BMP8B: variants seen among roughly 807,000 people sequenced by gnomAD.
BMP8B encodes the protein bone morphogenetic protein 8b.
A neutral mutation model predicts 30.3 loss-of-function variants in BMP8B; 17 were observed. The observed-to-expected ratio is 0.56, with a 90% CI of 0.38 to 0.84. BMP8B has a LOEUF of 0.84. BMP8B is among the 40% of genes least tolerant of loss of function. The probability of loss-of-function intolerance (pLI) is 0.00; values close to 1 mark genes in which losing one functional copy is unlikely to be tolerated. For synonymous variants in BMP8B, 131 were observed against 214.7 expected (o/e 0.61, Z 3.41); for missense variants, 253 against 494.6 (o/e 0.51, Z 4.63).
chr1:39,779,275 G>A (rs1408961670), intron 1 of BMP8B, among the ~76,000 whole-genome samples: 1 of 152,188 alleles, frequency 6.6e-6, no homozygotes, highest in Non-Finnish European at 1.5e-5. Context: ...CACAGACAGG[G>A]AGGGCCGGCC....
At chr1:39,766,934 G>GA (rs1360335277) in intron 3 of BMP8B, among the ~76,000 whole-genome samples, 7 of 152,222 alleles carry the variant, frequency 4.6e-5, no homozygotes, top group Non-Finnish European at 8.8e-5. Flanking sequence ...GACCCATGGG[G>GA]ACAGCCTGGG....
At chr1:39,770,060 A>G (rs1649845060) in intron 3 of BMP8B, 2 of 1,293,118 alleles carry the variant, frequency 1.5e-6, no homozygotes, top group Non-Finnish European at 2.1e-6. Context: ...GGAAACCTGC[A>G]TGGCTCCAAG....
intron 1 of BMP8B, among the ~76,000 whole-genome samples, chr1:39,777,354 A>G (rs1007141131): frequency 4.6e-5 from 7 of 152,192 alleles, no homozygotes; most frequent in African/African-American, 1.7e-4. Context: ...TTTCTAAACC[A>G]CCTTAATGTG....
intron 3 of BMP8B, among the ~76,000 whole-genome samples, chr1:39,766,132 G>A (rs1352602245): frequency 4.7e-5 from 7 of 148,276 alleles, no homozygotes; most frequent in Non-Finnish European, 9.0e-5. Context: ...GCAGTATACC[G>A]TAATTGACTT....
Position 39,788,064 on chromosome 1 carries a change from G to C in BMP8B, c.334+88C>G, listed in dbSNP as rs911276134. 5.3e-5 allele frequency: 73 copies of C among 1,389,296 alleles called. No individual in the cohort carries two copies. Among genetic ancestry groups the C allele is most frequent in the Non-Finnish European group, 6.4e-5 (69 of 1,074,972 alleles). 86.1% of individuals were successfully genotyped at this position (1,389,296 alleles called of 1,614,324 possible). A position where few individuals can be genotyped will look rare whatever the true frequency, so the allele number is the denominator to read the frequency against. ...GTCCACCGTCTGTGACTCCCCGTTCGGCCAGGGCCCGGCACAGCCCGCGGA... is the reference window on the plus strand; with the variant it reads ...GTCCACCGTCTGTGACTCCCCGTTCCGCCAGGGCCCGGCACAGCCCGCGGA... On this transcript the variant is annotated intron_variant, in intron 1 of 6. Coordinates refer to ENST00000372827, the MANE Select transcript of BMP8B (RefSeq NM_001720.5). This position sits in a 1 kb window ranked among gnomAD's most constrained non-coding sequence, Gnocchi z 5.8.
intron 1 of BMP8B, among the ~76,000 whole-genome samples, chr1:39,780,545 C>G (rs1482753188): frequency 6.6e-6 from 1 of 152,200 alleles, no homozygotes; most frequent in African/African-American, 2.4e-5. Flanking sequence ...CACAGAAGCT[C>G]CTGAGCAGGA....
chr1:39,760,952 T>A (rs1006282908), intron 6 of BMP8B, among the ~76,000 whole-genome samples: 5 of 152,074 alleles, frequency 3.3e-5, no homozygotes, highest in Non-Finnish European at 4.4e-5. Flanking sequence ...CTTTCTTCTT[T>A]TGGCCCTTCG....
Position 39,760,269 on chromosome 1 carries a change from G to A in BMP8B, c.*150C>T. 1 of 1,279,204 alleles carries A rather than the reference G, an allele frequency of 7.8e-7. No individual in the cohort carries two copies. The highest frequency in any genetic ancestry group is 1.1e-6 in the Non-Finnish European group (1 of 943,952). 79.2% of individuals were successfully genotyped at this position (1,279,204 alleles called of 1,614,324 possible). On this transcript the variant is annotated 3_prime_UTR_variant, in exon 7 of 7. Transcript: ENST00000372827. ...AGGGCAAGGGGAGCATAGGAGCCTG[G>A]CATGAAGGAGAAAGGGTCATGTACG... is the stretch of plus-strand genomic sequence containing the variant.
chr1:39,783,596 AT>A (rs1377539219), intron 1 of BMP8B, among the ~76,000 whole-genome samples: 1 of 152,242 alleles, frequency 6.6e-6, no homozygotes, highest in African/African-American at 2.4e-5. Flanking sequence ...GCATTAACGT[AT>A]GCAGTTAAAA....
At chr1:39,778,816 C>T (rs1361163307) in intron 1 of BMP8B, among the ~76,000 whole-genome samples, 6 of 152,296 alleles carry the variant, frequency 3.9e-5, no homozygotes, top group Admixed American at 6.5e-5. Context: ...GTCATGGTGA[C>T]GCATCCTCTC....
chr1:39,788,521 G>C lies in BMP8B; in HGVS notation c.-36C>G, dbSNP rs1237911869. The C allele has an allele frequency of 1.0e-6, 1 of 1,002,618 alleles. No individual in the cohort carries two copies. The highest frequency in any genetic ancestry group is 1.2e-6 in the Non-Finnish European group (1 of 842,808). The allele number at this position is 1,002,618 out of a possible 1,614,324, so 62.1% of individuals were successfully genotyped here. ...GGGCGCTCAGCTGGGGCGCTCAGCG[G>C]GCGCGCATCGGCTCCGCGGCCGACC... On this transcript the variant is annotated 5_prime_UTR_variant, in exon 1 of 7. Coordinates refer to ENST00000372827, the MANE Select transcript of BMP8B (RefSeq NM_001720.5). This position sits in a 1 kb window ranked among gnomAD's most constrained non-coding sequence, Gnocchi z 5.8.
chr1:39,759,719 A>G lies in BMP8B; in HGVS notation c.*700T>C, dbSNP rs1337250820. ...CAAGATTTTTCTGTTTCTCCAAAGT[A>G]AAATGTCCATGCTCTTACATGTCTT... On this transcript the variant is annotated 3_prime_UTR_variant, in exon 7 of 7. Transcript: ENST00000372827. The G allele has an allele frequency of 6.6e-6, 1 of 152,254 alleles. No homozygotes were observed. The highest frequency in any genetic ancestry group is 1.5e-5 in the Non-Finnish European group (1 of 68,046). The allele number at this position is 152,254 out of a possible 1,614,324, so 9.4% of individuals were successfully genotyped here. A position where few individuals can be genotyped will look rare whatever the true frequency, so the allele number is the denominator to read the frequency against.
chr1:39,778,776 T>C (rs1372776487), intron 1 of BMP8B, among the ~76,000 whole-genome samples: 1 of 152,106 alleles, frequency 6.6e-6, no homozygotes, highest in Non-Finnish European at 1.5e-5. Context: ...CGGGAAAGAA[T>C]GAACTGTGGG....
chr1:39,779,643 G>A (rs1354124555), intron 1 of BMP8B, among the ~76,000 whole-genome samples: 1 of 152,212 alleles, frequency 6.6e-6, no homozygotes, highest in Non-Finnish European at 1.5e-5. Context: ...AGGGGTGGAA[G>A]AACTGAGGAA....
rs1569879619 is a variant in BMP8B at position 39,788,585 on chromosome 1, T to G, written c.-100A>C. ...CGCCCCGACGGCAAGGAGGCTGGGC[T>G]CGGCGGGCGGCGGGCGGCGGGGCGG... On this transcript the variant is annotated 5_prime_UTR_variant, in exon 1 of 7. Coordinates refer to ENST00000372827, the MANE Select transcript of BMP8B (RefSeq NM_001720.5). This position sits in a 1 kb window ranked among gnomAD's most constrained non-coding sequence, Gnocchi z 5.8. 1 of 923,910 alleles carries G rather than the reference T, an allele frequency of 1.1e-6. No homozygotes were observed. Among genetic ancestry groups the G allele is most frequent in the Non-Finnish European group, 1.3e-6 (1 of 774,950 alleles). The allele number at this position is 923,910 out of a possible 1,614,324, so 57.2% of individuals were successfully genotyped here.
chr1:39,771,394 G>C (rs982457994), intron 3 of BMP8B: 1 of 861,468 alleles, frequency 1.2e-6, no homozygotes, highest in African/African-American at 1.9e-5. Context: ...GCAGGCTCTA[G>C]GCTAGGCCCG....
intron 3 of BMP8B, chr1:39,771,371 T>A: frequency 2.5e-6 from 2 of 799,128 alleles, no homozygotes; most frequent in Non-Finnish European, 3.6e-6. Flanking sequence ...CCAGCAGGTC[T>A]CCCCGGCCAG....
At chr1:39,763,357 C>T (rs2124430290) in intron 5 of BMP8B, among the ~76,000 whole-genome samples, 155 bp from the exon 6 acceptor site, 1 of 130,692 alleles carries the variant, frequency 7.7e-6, no homozygotes, top group Admixed American at 7.3e-5. Flanking sequence ...GAGCTCAGGC[C>T]CAACATCCCC....
At position 39,788,044 on chromosome 1, in the gene BMP8B, C is replaced by T. The variant is rs577216916; in HGVS notation, c.334+108G>A. 35 of 1,367,982 alleles carry T rather than the reference C, an allele frequency of 2.6e-5. No homozygotes were observed. The East Asian group carries it at 9.1e-4, about 36-fold the overall frequency. The allele number at this position is 1,367,982 out of a possible 1,614,324, so 84.7% of individuals were successfully genotyped here. A position where few individuals can be genotyped will look rare whatever the true frequency, so the allele number is the denominator to read the frequency against. On this transcript the variant is annotated intron_variant, in intron 1 of 6. Transcript: ENST00000372827. This position sits in a 1 kb window ranked among gnomAD's most constrained non-coding sequence, Gnocchi z 5.8. Reference sequence around the variant, plus strand: ...CCCACTCCCCTGTGGTTCGCGTCCACCGTCTGTGACTCCCCGTTCGGCCAG... The same window carrying T: ...CCCACTCCCCTGTGGTTCGCGTCCATCGTCTGTGACTCCCCGTTCGGCCAG...
Sources: gnomAD v4.1 joint callset for allele counts (sites outside exome capture counted in the v4.1 genomes callset) on GRCh38, gnomAD v4.1.1 for gene constraint, Gnocchi (gnomAD v3.1) non-coding constraint, MANE v1.5 for transcripts, NCBI Gene and HGNC (gene_info 2026-07-23, HGNC 2026-07-21) for gene names.